The following EMCN variants were observed in gnomAD, a reference collection of about 807,000 sequenced individuals.
EMCN encodes the protein MUC-14.
Under a neutral mutation model 38.4 loss-of-function variants are expected in EMCN, and 37 were observed. The observed-to-expected ratio is 0.96, with a 90% CI of 0.74 to 1.27. The LOEUF is 1.27. EMCN is among the 50% of genes most tolerant of loss of function. The pLI is 0.00. For synonymous variants in EMCN, 95 were observed against 100.8 expected (o/e 0.94, Z 0.35); for missense variants, 318 against 302.8 (o/e 1.05, Z -0.37).
chr4:100,433,223 T>A (rs1020909957), intron 5 of EMCN, among the ~76,000 whole-genome samples: 1 of 152,230 alleles, frequency 6.6e-6, no homozygotes, highest in African/African-American at 2.4e-5. Context: ...GCAATATTAT[T>A]TCTGTGTCTA....
At chr4:100,486,904 C>G (rs1187733867) in intron 1 of EMCN, 2 of 985,266 alleles carry the variant, frequency 2.0e-6, no homozygotes, top group East Asian at 2.3e-4. Context: ...AGTTATTTTT[C>G]CTTCACAAAT....
At chr4:100,489,032 A>G (rs1000401951) in intron 1 of EMCN, among the ~76,000 whole-genome samples, 1 of 152,192 alleles carries the variant, frequency 6.6e-6, no homozygotes, top group African/African-American at 2.4e-5. Context: ...ATTTTGTGAA[A>G]CAGTTGAACA....
chr4:100,513,740 A>C (rs1435786988), intron 1 of EMCN, among the ~76,000 whole-genome samples: 1 of 152,150 alleles, frequency 6.6e-6, no homozygotes, highest in Non-Finnish European at 1.5e-5. Flanking sequence ...TAACTTTTTC[A>C]TAAGGACAAG....
intron 1 of EMCN, among the ~76,000 whole-genome samples, chr4:100,516,171 G>A (rs776462450): frequency 6.6e-5 from 10 of 152,084 alleles, no homozygotes; most frequent in Non-Finnish European, 1.5e-4. Flanking sequence ...CTCATTACCA[G>A]TGAGCAAAAG....
intron 1 of EMCN, among the ~76,000 whole-genome samples, chr4:100,494,690 T>C (rs959801537): frequency 3.9e-5 from 6 of 152,020 alleles, no homozygotes; most frequent in Non-Finnish European, 8.8e-5. Flanking sequence ...AGAGGCAATT[T>C]TGGAAATTTA....
chr4:100,491,855 T>TA (rs1222871940), intron 1 of EMCN, among the ~76,000 whole-genome samples: 1 of 152,208 alleles, frequency 6.6e-6, no homozygotes, highest in Non-Finnish European at 1.5e-5. Context: ...CCAGGGTTGT[T>TA]ACCAACTGGT....
intron 1 of EMCN, among the ~76,000 whole-genome samples, chr4:100,499,527 A>C (rs1729294599): frequency 6.6e-6 from 1 of 152,212 alleles, no homozygotes; most frequent in Non-Finnish European, 1.5e-5. Flanking sequence ...AGGAAAATCA[A>C]ACTTAAGTGA....
At chr4:100,418,116 TG>T (rs1278718028) in intron 8 of EMCN, among the ~76,000 whole-genome samples, 1 of 152,182 alleles carries the variant, frequency 6.6e-6, no homozygotes, top group Non-Finnish European at 1.5e-5. Flanking sequence ...ATTTAACCCA[TG>T]GCACCATATG....
chr4:100,420,284 G>T (rs1726851850), intron 8 of EMCN, among the ~76,000 whole-genome samples: 2 of 152,016 alleles, frequency 1.3e-5, no homozygotes, highest in Non-Finnish European at 2.9e-5. Flanking sequence ...CAAATCTGTA[G>T]TAATACAATT....
intron 4 of EMCN, among the ~76,000 whole-genome samples, chr4:100,452,590 G>T (rs1031381258): frequency 2.0e-5 from 3 of 152,022 alleles, no homozygotes; most frequent in African/African-American, 7.2e-5. Context: ...CTCCTTCCCT[G>T]CCAATCCTTT....
chr4:100,473,721 C>T (rs931128271), intron 3 of EMCN: 2 of 152,158 alleles, frequency 1.3e-5, no homozygotes, highest in African/African-American at 2.4e-5. Flanking sequence ...TGCCAAAGAA[C>T]TCAAACCTTG....
At chr4:100,435,281 A>G (rs952494332) in intron 5 of EMCN, among the ~76,000 whole-genome samples, 2 of 152,166 alleles carry the variant, frequency 1.3e-5, no homozygotes, top group Admixed American at 1.3e-4. Flanking sequence ...CATAATTGCT[A>G]CAAAGAGAAT....
chr4:100,488,679 A>C (rs570591714), intron 1 of EMCN, among the ~76,000 whole-genome samples: 13 of 152,306 alleles, frequency 8.5e-5, no homozygotes, highest in African/African-American at 3.1e-4. Context: ...GTTTCTAAAA[A>C]TAGTCTACAG....
intron 5 of EMCN, among the ~76,000 whole-genome samples, chr4:100,435,347 C>G (rs1431213180): frequency 6.6e-6 from 1 of 152,052 alleles, no homozygotes; most frequent in African/African-American, 2.4e-5. Flanking sequence ...TGAGGAGAAC[C>G]ACAAACCACT....
intron 4 of EMCN, 137 bp from the exon 5 acceptor site, chr4:100,447,708 A>G: frequency 1.7e-6 from 1 of 604,362 alleles, no homozygotes; most frequent in Non-Finnish European, 2.9e-6. Flanking sequence ...TCATAAAATC[A>G]TGATTCTTCA....
intron 11 of EMCN, among the ~76,000 whole-genome samples, chr4:100,405,874 G>GTT (rs59559618): frequency 6.6e-6 from 1 of 151,688 alleles, no homozygotes; most frequent in African/African-American, 2.4e-5. Flanking sequence ...GGTTGGTAGG[G>GTT]TTTTTTTATT....
intron 3 of EMCN, among the ~76,000 whole-genome samples, chr4:100,474,826 A>G (rs983864495): frequency 1.3e-5 from 2 of 152,142 alleles, no homozygotes; most frequent in Non-Finnish European, 2.9e-5. Context: ...AGTGGTTACC[A>G]GAAGCTGGGA....
intron 5 of EMCN, among the ~76,000 whole-genome samples, chr4:100,438,649 T>C (rs541670014): frequency 2.6e-5 from 4 of 152,096 alleles, no homozygotes; most frequent in Non-Finnish European, 5.9e-5. Flanking sequence ...GTGGGCATCC[T>C]TACCTAGTAC....
intron 1 of EMCN, among the ~76,000 whole-genome samples, chr4:100,488,027 C>A (rs1728984699): frequency 6.6e-6 from 1 of 152,110 alleles, no homozygotes; most frequent in Non-Finnish European, 1.5e-5. Context: ...TAGTGACTTG[C>A]ACACATGAAA....
Sources: allele counts gnomAD v4.1 joint callset (sites outside exome capture counted in the v4.1 genomes callset), GRCh38; gene constraint gnomAD v4.1.1; transcripts MANE v1.5; gene names NCBI Gene and HGNC (gene_info 2026-07-23, HGNC 2026-07-21).